The following ZMYM3 variants were observed in gnomAD, a reference collection of about 807,000 sequenced individuals.
The protein encoded by ZMYM3 is zinc finger MYM-type containing 3.
ZMYM3 carries 6 observed loss-of-function variants against 94.2 expected under a neutral mutation model. That is an observed-to-expected ratio of 0.06 (90% CI 0.03 to 0.13). The LOEUF (loss-of-function observed/expected upper bound fraction) is 0.13. ZMYM3 is among the 10% of genes least tolerant of loss of function. The probability of loss-of-function intolerance (pLI) is 1.00; values close to 1 mark genes in which losing one functional copy is unlikely to be tolerated. For synonymous variants in ZMYM3, 420 were observed against 426.5 expected (o/e 0.98, Z 0.19); for missense variants, 664 against 1,132.6 (o/e 0.59, Z 5.94).
intron 20 of ZMYM3, 47 bp from the exon 21 acceptor site, chrX:71,244,027 T>A: frequency 8.4e-7 from 1 of 1,190,914 alleles, no homozygotes. Context: ...AAACTCTACA[T>A]GGAGAATTTC....
intron 18 of ZMYM3, 100 bp downstream of exon 18, chrX:71,245,239 G>A: frequency 9.4e-7 from 1 of 1,061,804 alleles, no homozygotes; most frequent in South Asian, 2.2e-5. Flanking sequence ...GAATCACAAT[G>A]AACACTTTTC....
chrX:71,247,655 C>A (rs2030242041), intron 12 of ZMYM3, 79 bp downstream of exon 12: 2 of 1,157,832 alleles, frequency 1.7e-6, no homozygotes, highest in Non-Finnish European at 1.2e-6. Context: ...GAGATCTGTC[C>A]ACACCCCGAG....
upstream of ZMYM3, chrX:71,254,177 A>G (rs1169207742): frequency 8.9e-6 from 1 of 112,419 alleles, no homozygotes; most frequent in African/African-American, 3.2e-5. Context: ...AGCGCTCTGC[A>G]CCAGGCGGGC....
At position 71,242,143 on chromosome X, in the gene ZMYM3, A is replaced by G. The variant is rs199974257; in HGVS notation, c.3802+27T>C. On this transcript the variant is annotated intron_variant, in intron 23 of 24. Transcript: ENST00000314425. ...AAGGGGAAGGCAGAGAAGGGGCAAA[A>G]GCACAGGGGAGGGGGCAGCCTCGTA... is the stretch of plus-strand genomic sequence containing the variant. The G allele has an allele frequency of 1.6e-3, 1,909 of 1,160,966 alleles. 2 individuals carry two copies. Among genetic ancestry groups the G allele is most frequent in the Non-Finnish European group, 1.9e-3 (1,629 of 868,997 alleles).
intron 11 of ZMYM3, 98 bp downstream of exon 11, chrX:71,248,064 G>T: frequency 8.8e-7 from 1 of 1,137,254 alleles, no homozygotes; most frequent in Middle Eastern, 2.6e-4. Flanking sequence ...CGGGCAGAAG[G>T]CCCTGCCTCA....
At position 71,247,819 on chromosome X, in the gene ZMYM3, C is replaced by T. The variant is rs2147982186; in HGVS notation, c.2063G>A (p.Arg688His). ...GCCATCCAGTTGCTCGGTGACTCCG[C>T]GCTGGCAGGTCTGGGAGCAGTAAGT... ...TCTYCSQTCQ[R>H]GVTEQLDGST... Residue 688 changes from arginine to histidine, a missense_variant, in exon 12 of 25, where the codon CGC becomes CAC. Physicochemically the swap from Arg to His is conservative, Grantham distance 29 (BLOSUM62 0). Coordinates refer to ENST00000314425, the MANE Select transcript of ZMYM3 (RefSeq NM_201599.3). 15 of 1,211,230 alleles carry T rather than the reference C, an allele frequency of 1.2e-5. No individual in the cohort carries two copies. Among genetic ancestry groups the T allele is most frequent in the Middle Eastern group, 2.3e-4 (1 of 4,354 alleles).
chrX:71,240,847 T>C lies in ZMYM3; in HGVS notation c.*69A>G. On this transcript the variant is annotated 3_prime_UTR_variant, in exon 25 of 25. Transcript: ENST00000314425. ...AATGAGTAGCATTGGTTCCTGGGCC[T>C]GTCACCCTGAGGGACATGGCCACAG... The C allele has an allele frequency of 9.1e-7, 1 of 1,104,722 alleles. No homozygotes were observed. Among genetic ancestry groups the C allele is most frequent in the Admixed American group, 2.3e-5 (1 of 43,784 alleles). The allele number at this position is 1,104,722 out of a possible 1,213,427, so 91.0% of individuals were successfully genotyped here. A position where few individuals can be genotyped will look rare whatever the true frequency, so the allele number is the denominator to read the frequency against.
In ZMYM3 at chrX:71,249,116, A is replaced by G. The variant is rs773499055; in HGVS notation, c.1524T>C (p.Phe508=). The G allele has an allele frequency of 4.1e-6, 5 of 1,211,404 alleles. No homozygotes were observed. The Admixed American group carries it at 1.1e-4, about 26-fold the overall frequency. Residue 508 remains phenylalanine (F), a synonymous_variant, in exon 8 of 25, where the codon TTT becomes TTC. Coordinates refer to ENST00000314425, the MANE Select transcript of ZMYM3 (RefSeq NM_201599.3). ...TACGATCCACATGTGATAGCATCTCAAAGTTCTTACACAGGGTCTTGCACC... is the reference window on the plus strand; with the variant it reads ...TACGATCCACATGTGATAGCATCTCGAAGTTCTTACACAGGGTCTTGCACC... The part of the protein sequence containing the change: ...CVWCKTLCKN[F]EMLSHVDRNG...
chrX:71,254,991 C>T (rs2030684071), upstream of ZMYM3: 1 of 109,887 alleles, frequency 9.1e-6, no homozygotes, highest in Non-Finnish European at 1.9e-5. Context: ...ACTCTCTCAA[C>T]AGTCTTAGGG....
chrX:71,247,546 C>T (rs1442817821), intron 12 of ZMYM3, 36 bp from the exon 13 acceptor site: 3 of 1,192,234 alleles, frequency 2.5e-6, no homozygotes. Flanking sequence ...ACCTGCCTCC[C>T]TAAAATGCGT....
rs915455554 is a variant in ZMYM3 at position 71,242,852 on chromosome X, C to T, written c.3547+118G>A. ...CTAAACCCTGAGGCATCCAGCTACA[C>T]GCTCCTGCCCTCGGGCCCTTTGTGA... On this transcript the variant is annotated intron_variant, in intron 22 of 24. Coordinates refer to ENST00000314425, the MANE Select transcript of ZMYM3 (RefSeq NM_201599.3). The T allele has an allele frequency of 3.5e-5, 23 of 656,215 alleles. No individual in the cohort carries two copies. In the South Asian group the frequency reaches 3.7e-4, roughly 10 times the overall value. 54.1% of individuals were successfully genotyped at this position (656,215 alleles called of 1,213,427 possible).
chrX:71,252,405 T>C (rs1291736602), intron 2 of ZMYM3, among the ~76,000 whole-genome samples, 184 bp downstream of exon 2: 1 of 89,901 alleles, frequency 1.1e-5, no homozygotes, highest in Non-Finnish European at 2.1e-5. Context: ...CACCCCTACT[T>C]TCCTTAATCT....
At position 71,239,638 on chromosome X, in the gene ZMYM3, T is replaced by TTTA. The variant is rs759591618; in HGVS notation, c.*1275_*1277dup. 3.5e-5 allele frequency: 4 copies of TTTA among 112,715 alleles called. No individual in the cohort carries two copies. In the East Asian group the frequency reaches 1.1e-3, roughly 31 times the overall value. 9.3% of individuals were successfully genotyped at this position (112,715 alleles called of 1,213,427 possible). On this transcript the variant is annotated 3_prime_UTR_variant, in exon 25 of 25. Coordinates refer to ENST00000314425, the MANE Select transcript of ZMYM3 (RefSeq NM_201599.3). ...AAAAGACAAAAGACAATTTTAACTC[T>TTTA]TTATTTGAAACAAACAATTTCAGAG...
At chrX:71,248,065 C>A in intron 11 of ZMYM3, 97 bp downstream of exon 11, 1 of 1,140,985 alleles carries the variant, frequency 8.8e-7, no homozygotes, top group Non-Finnish European at 1.2e-6. Flanking sequence ...GGGCAGAAGG[C>A]CCTGCCTCAT....
In ZMYM3 at chrX:71,247,906, C is replaced by G; in HGVS notation, c.1976G>C (p.Gly659Ala). ...SGVEKSFCSE[G>A]CVLLYKQDFT... ...GTCCTGTTTGTACAGCAGCACACAGCCTGGAAAGAGGAGAAGAGGAAAGAG... is the reference window on the plus strand; with the variant it reads ...GTCCTGTTTGTACAGCAGCACACAGGCTGGAAAGAGGAGAAGAGGAAAGAG... The change falls in exon 12 of 25, where the codon GGC becomes GCC. Residue 659 changes from glycine to alanine, a missense_variant and splice_region_variant. Gly to Ala is a moderately conservative substitution (Grantham distance 60). Coordinates refer to ENST00000314425, the MANE Select transcript of ZMYM3 (RefSeq NM_201599.3). The G allele has an allele frequency of 8.4e-7, 1 of 1,186,786 alleles. No individual in the cohort carries two copies.
chrX:71,243,696 TCCTCCTG>T, intron 21 of ZMYM3, 126 bp downstream of exon 21: 1 of 860,902 alleles, frequency 1.2e-6, no homozygotes, highest in Non-Finnish European at 1.6e-6. Flanking sequence ...CTTGAAGCGA[TCCTCCTG>T]CCTCAGCCTC....
At chrX:71,246,189 C>T in intron 15 of ZMYM3, 91 bp from the exon 16 acceptor site, 2 of 1,080,754 alleles carry the variant, frequency 1.9e-6, no homozygotes, top group African/African-American at 1.8e-5. Context: ...TGTCACAAAA[C>T]TGCCCTTGAA....
Position 71,246,619 on chromosome X carries a change from T to C in ZMYM3, c.2388A>G (p.Pro796=), listed in dbSNP as rs1464858062. ...CCTTGCCCAAATTCCCATTTTCCTCTGGGGTCCTCACTGTGTTGCTGTTCT... is the reference window on the plus strand; with the variant it reads ...CCTTGCCCAAATTCCCATTTTCCTCCGGGGTCCTCACTGTGTTGCTGTTCT... ...KVENSNTVRT[P]EENGNLGKIP... is the part of the protein sequence containing the mutation. Residue 796 remains proline, a synonymous_variant, in exon 14 of 25, where the codon CCA becomes CCG. Transcript: ENST00000314425. The C allele has an allele frequency of 1.7e-6, 2 of 1,211,770 alleles. No individual in the cohort carries two copies. The highest frequency in any genetic ancestry group is 2.2e-6 in the Non-Finnish European group (2 of 895,454).
At chrX:71,251,778 T>TG (rs1291941819) in intron 2 of ZMYM3, 177 bp from the exon 3 acceptor site, 17 of 746,906 alleles carry the variant, frequency 2.3e-5, no homozygotes, top group Middle Eastern at 7.6e-4. Flanking sequence ...GTACTAAGGG[T>TG]GGGGGGGTGC....
Sources: allele counts gnomAD v4.1 joint callset (sites outside exome capture counted in the v4.1 genomes callset), GRCh38; gene constraint gnomAD v4.1.1; transcripts MANE v1.5; gene names NCBI Gene and HGNC (gene_info 2026-07-23, HGNC 2026-07-21).